TAMM41: variants seen among roughly 807,000 people sequenced by gnomAD.
TAMM41 encodes the protein TAM41 mitochondrial translocator assembly and maintenance homolog, also known as phosphatidate cytidylyltransferase, mitochondrial.
A neutral mutation model predicts 44.1 loss-of-function variants in TAMM41; 36 were observed. The observed-to-expected ratio is 0.82, with a 90% CI of 0.63 to 1.08. The LOEUF is 1.08. TAMM41 is among the 50% of genes least tolerant of loss of function. The pLI, the probability that TAMM41 is intolerant of heterozygous loss-of-function variation, is 0.00. For missense variants in TAMM41, 417 were observed against 404.3 expected, an observed-to-expected ratio of 1.03 and a Z score of -0.27; for synonymous variants, 164 against 153.1, an observed-to-expected ratio of 1.07 and a Z score of -0.53.
downstream of TAMM41, among the ~76,000 whole-genome samples, chr3:11,787,014 G>A (rs2077421753): frequency 1.3e-5 from 2 of 152,190 alleles, no homozygotes. Context: ...AGTCACAGTG[G>A]CTGGGGCTGG....
chr3:11,845,105 G>C (rs1385775626), intron 1 of TAMM41: 3 of 415,786 alleles, frequency 7.2e-6, no homozygotes, highest in African/African-American at 6.1e-5. Context: ...GACTGAAATA[G>C]AACACATTTA....
chr3:11,803,493 G>C (rs1207103643), intron 7 of TAMM41, among the ~76,000 whole-genome samples: 2 of 152,118 alleles, frequency 1.3e-5, no homozygotes, highest in Non-Finnish European at 1.5e-5. Context: ...AGCCTTTATG[G>C]GAAACAGTAT....
chr3:11,743,582 C>T, the TAMM41 span, among the ~76,000 whole-genome samples: 232 of 152,276 alleles, frequency 1.5e-3, no homozygotes, highest in African/African-American at 5.4e-3. Flanking sequence ...ATCCACCTGC[C>T]TCGACCTCTC....
At chr3:11,800,151 A>C (rs2077712466) in intron 7 of TAMM41, among the ~76,000 whole-genome samples, 1 of 152,146 alleles carries the variant, frequency 6.6e-6, no homozygotes, top group Non-Finnish European at 1.5e-5. Flanking sequence ...GAAATATAAA[A>C]CTCACAGTTC....
chr3:11,809,443 T>A, intron 6 of TAMM41, 74 bp downstream of exon 6: 9 of 1,547,042 alleles, frequency 5.8e-6, no homozygotes, highest in Non-Finnish European at 8.0e-6. Flanking sequence ...GAAGAAATAA[T>A]ACATTCCAAT....
At chr3:11,808,712 A>T (rs1430051258) in intron 6 of TAMM41, 1 of 750,640 alleles carries the variant, frequency 1.3e-6, no homozygotes, top group Non-Finnish European at 1.6e-6. Flanking sequence ...TCTGAAGATA[A>T]GGTTCAGGCT....
At chr3:11,789,629 A>C (rs914772182), downstream of TAMM41, among the ~76,000 whole-genome samples, 7 of 152,040 alleles carry the variant, frequency 4.6e-5, no homozygotes, top group African/African-American at 1.7e-4. Context: ...TCCTTTGTCC[A>C]TTTACTGGCT....
rs1462725932 is a variant in TAMM41, at chr3:11,832,248, T to C, written c.412-2384A>G. On this transcript the variant is annotated intron_variant, in intron 3 of 7. Transcript: ENST00000455809. ...ATCTGTGGGTTCTGCACCCATGGGA[T>C]TCAACCAATCACAGATGGGAAACAT... Among the ~76,000 whole-genome samples, 3 of 150,310 alleles carry C rather than the reference T, an allele frequency of 2.0e-5. No individual in the cohort carries two copies. The Admixed American group carries it at 2.0e-4, about 10-fold the overall frequency.
At chr3:11,766,314 A>G in the TAMM41 span, among the ~76,000 whole-genome samples, 3 of 151,820 alleles carry the variant, frequency 2.0e-5, no homozygotes, top group Non-Finnish European at 2.9e-5. Context: ...ACAGGCATGC[A>G]CCACCATGCT....
intron 7 of TAMM41, among the ~76,000 whole-genome samples, chr3:11,801,502 T>G (rs1027697788): frequency 1.3e-5 from 2 of 152,074 alleles, no homozygotes; most frequent in African/African-American, 4.8e-5. Flanking sequence ...ACAGCTAATT[T>G]TTTTGTAGAA....
In TAMM41 at chr3:11,846,729, G is replaced by T; in HGVS notation, c.-93C>A. On this transcript the variant is annotated 5_prime_UTR_variant, in exon 1 of 8. Coordinates refer to ENST00000455809, the MANE Select transcript of TAMM41 (RefSeq NM_001284401.2). ...GGGTAGGCGGTTTAGGGTGGGAAATGGAAGTCGGAGACTGGATCGAGGGAC... is the reference window on the plus strand; with the variant it reads ...GGGTAGGCGGTTTAGGGTGGGAAATTGAAGTCGGAGACTGGATCGAGGGAC... 2 of 1,518,598 alleles carry T rather than the reference G, an allele frequency of 1.3e-6. No homozygotes were observed. Among genetic ancestry groups the T allele is most frequent in the Non-Finnish European group, 9.0e-7 (1 of 1,107,702 alleles). 94.1% of individuals were successfully genotyped at this position (1,518,598 alleles called of 1,614,324 possible).
At chr3:11,837,019 C>T (rs1462021525) in intron 3 of TAMM41, among the ~76,000 whole-genome samples, 1 of 152,146 alleles carries the variant, frequency 6.6e-6, no homozygotes, top group Non-Finnish European at 1.5e-5. Context: ...ATAAATTTGT[C>T]CATGTGTATA....
At chr3:11,827,019 G>A (rs925263765) in intron 4 of TAMM41, among the ~76,000 whole-genome samples, 5 of 152,088 alleles carry the variant, frequency 3.3e-5, no homozygotes, top group Admixed American at 2.0e-4. Context: ...TTTTTCACAC[G>A]TGTTGTTTTT....
chr3:11,843,778 C>T, intron 2 of TAMM41: 2 of 456,506 alleles, frequency 4.4e-6, no homozygotes, highest in Non-Finnish European at 7.7e-6. Flanking sequence ...ACTGCAATGA[C>T]AGTTAATGGG....
chr3:11,769,753 G>T, the TAMM41 span, among the ~76,000 whole-genome samples: 1 of 152,224 alleles, frequency 6.6e-6, no homozygotes, highest in African/African-American at 2.4e-5. Flanking sequence ...ATGGGGTGAG[G>T]GAAGTGCAAC....
At position 11,807,534 on chromosome 3, in the gene TAMM41, TCTGTAA is replaced by T. The variant is rs1345370545; in HGVS notation, c.937+293_937+298del. The T allele has an allele frequency of 2.0e-5, 31 of 1,536,094 alleles. 1 individual carries two copies. The highest frequency in any genetic ancestry group is 7.3e-5 in the East Asian group (3 of 40,916). On this transcript the variant is annotated intron_variant, in intron 7 of 7. Transcript: ENST00000455809. ...GCTGCTGTTTTTGCAATCCTATGCA[TCTGTAA>T]CTTTGATAAATAAAACAATATGAGG...
At chr3:11,725,383 C>T in the TAMM41 span, among the ~76,000 whole-genome samples, 1,007 of 133,272 alleles carry the variant, frequency 7.6e-3, 8 homozygotes, top group African/African-American at 0.016. Flanking sequence ...TCCTCTTCCT[C>T]CTCCTTCTTT....
At chr3:11,799,477 G>A (rs2077691672) in intron 7 of TAMM41, among the ~76,000 whole-genome samples, 3 of 152,152 alleles carry the variant, frequency 2.0e-5, no homozygotes, top group Admixed American at 2.0e-4. Context: ...ATAATAAACA[G>A]AGCAGCCAGA....
the TAMM41 span, among the ~76,000 whole-genome samples, chr3:11,726,316 A>G: frequency 1.6e-4 from 24 of 152,238 alleles, no homozygotes; most frequent in Non-Finnish European, 2.6e-4. Flanking sequence ...GAGTCATTCT[A>G]TACCTCTGCA....
Sources: gnomAD v4.1 joint callset for allele counts (sites outside exome capture counted in the v4.1 genomes callset) on GRCh38, gnomAD v4.1.1 for gene constraint, MANE v1.5 for transcripts, NCBI Gene and HGNC (gene_info 2026-07-23, HGNC 2026-07-21) for gene names.